UBE2L3: variants seen among roughly 807,000 people sequenced by gnomAD.
The protein encoded by UBE2L3 is ubiquitin conjugating enzyme E2 L3.
A neutral mutation model predicts 17.8 loss-of-function variants in UBE2L3; 1 was observed. That is an observed-to-expected ratio of 0.06 (90% CI 0.02 to 0.27). The LOEUF (loss-of-function observed/expected upper bound fraction) is 0.27, where lower values mean the gene tolerates loss of function less well. Ranked by LOEUF, UBE2L3 falls within the 10% of genes least tolerant of loss-of-function variation. UBE2L3 has a pLI of 1.00. For missense variants in UBE2L3, 40 were observed against 192.6 expected, an observed-to-expected ratio of 0.21 and a Z score of 4.69; for synonymous variants, 44 against 68.5, an observed-to-expected ratio of 0.64 and a Z score of 1.76.
upstream of UBE2L3, among the ~76,000 whole-genome samples, chr22:21,566,585 C>CAAA (rs58829886): frequency 7.4e-6 from 1 of 134,848 alleles, no homozygotes; most frequent in African/African-American, 2.8e-5. Flanking sequence ...GACTCTGTCT[C>CAAA]AAAAAAAAAA....
intron 2 of UBE2L3, among the ~76,000 whole-genome samples, chr22:21,596,631 C>T (rs1252026008): frequency 1.3e-5 from 2 of 152,056 alleles, no homozygotes; most frequent in Non-Finnish European, 2.9e-5. Flanking sequence ...CTCCATCTCC[C>T]GGGTTCAAGC....
intron 1 of UBE2L3, among the ~76,000 whole-genome samples, chr22:21,576,399 G>A (rs111647072): frequency 0.013 from 1,929 of 151,400 alleles, 44 homozygotes; most frequent in African/African-American, 0.045. Flanking sequence ...CCAGGTTCAC[G>A]CCATTCTTCT....
At chr22:21,611,442 G>GTTC (rs1929471701) in intron 3 of UBE2L3, among the ~76,000 whole-genome samples, 1 of 152,208 alleles carries the variant, frequency 6.6e-6, no homozygotes, top group African/African-American at 2.4e-5. Flanking sequence ...CAGACTTGAA[G>GTTC]GAGGAAAGGA....
upstream of UBE2L3, among the ~76,000 whole-genome samples, chr22:21,566,650 A>G (rs988585046): frequency 3.3e-5 from 5 of 151,232 alleles, no homozygotes; most frequent in African/African-American, 1.2e-4. Context: ...CTCTCACAGC[A>G]CATGGAATAG....
upstream of UBE2L3, among the ~76,000 whole-genome samples, chr22:21,566,352 G>A (rs939460983): frequency 6.6e-6 from 1 of 152,016 alleles, no homozygotes; most frequent in Non-Finnish European, 1.5e-5. Flanking sequence ...GGGAGGTTGC[G>A]GCGGGAGGAC....
At chr22:21,590,579 T>G (rs1285185576) in intron 1 of UBE2L3, among the ~76,000 whole-genome samples, 1 of 152,270 alleles carries the variant, frequency 6.6e-6, no homozygotes, top group African/African-American at 2.4e-5. Flanking sequence ...ATTTGTTTTG[T>G]CCCATAAATG....
At chr22:21,576,369 C>G (rs1319342644) in intron 1 of UBE2L3, among the ~76,000 whole-genome samples, 3 of 150,976 alleles carry the variant, frequency 2.0e-5, no homozygotes, top group African/African-American at 7.3e-5. Flanking sequence ...GCGATCTCGG[C>G]TCACTGCAAG....
At chr22:21,550,846 CGCTCCGCCTCCA>C in intron 1 of UBE2L3, 1 of 51,076 alleles carries the variant, frequency 2.0e-5, no homozygotes, top group Non-Finnish European at 3.0e-5. Context: ...CCAGCCTGCC[CGCTCCGCCTCCA>C]GCTCCGCCCG....
Position 21,583,359 on chromosome 22 carries a change from C to T in UBE2L3, c.28-9502C>T, listed in dbSNP as rs571118027. Among the ~76,000 whole-genome samples the T allele has an allele frequency of 3.3e-5, 5 of 152,296 alleles. No individual in the cohort carries two copies. The East Asian group carries it at 7.7e-4, about 24-fold the overall frequency. On this transcript the variant is annotated intron_variant, in intron 1 of 3. Coordinates refer to ENST00000342192, the MANE Select transcript of UBE2L3 (RefSeq NM_003347.4). ...AGTTCTTTTAACCCACCCTCAACAG[C>T]CAAGAAAAGTGGCCTTAAGCTTTAC... is the stretch of plus-strand genomic sequence containing the variant.
chr22:21,613,604 G>A (rs1929615297), intron 3 of UBE2L3, among the ~76,000 whole-genome samples: 1 of 152,160 alleles, frequency 6.6e-6, no homozygotes. Context: ...TCCCATGTTT[G>A]TTATCTATTA....
chr22:21,613,767 A>C (rs1929627887), intron 3 of UBE2L3, among the ~76,000 whole-genome samples: 1 of 152,186 alleles, frequency 6.6e-6, no homozygotes, highest in South Asian at 2.1e-4. Flanking sequence ...GTGGGAACTC[A>C]ACTTGGCTGG....
chr22:21,621,489 C>T (rs1930035535), intron 3 of UBE2L3, 26 bp from the exon 4 acceptor site: 1 of 1,591,936 alleles, frequency 6.3e-7, no homozygotes, highest in South Asian at 1.1e-5. Context: ...GTGTTAACCC[C>T]CCATGCCTTG....
At chr22:21,581,875 G>C in intron 1 of UBE2L3, among the ~76,000 whole-genome samples, 1 of 151,864 alleles carries the variant, frequency 6.6e-6, no homozygotes, top group Non-Finnish European at 1.5e-5. Context: ...ACTTTGGGAG[G>C]CTGAGGCAGG....
intron 1 of UBE2L3, among the ~76,000 whole-genome samples, chr22:21,586,627 G>T (rs1161277395): frequency 6.6e-6 from 1 of 150,938 alleles, no homozygotes; most frequent in East Asian, 1.9e-4. Flanking sequence ...AAGTGCAGTG[G>T]TGTGATTGCA....
intron 1 of UBE2L3, among the ~76,000 whole-genome samples, chr22:21,577,055 G>A (rs969715304): frequency 1.3e-5 from 2 of 150,562 alleles, no homozygotes; most frequent in African/African-American, 2.4e-5. Flanking sequence ...TGAAAGCTCC[G>A]CCTCCTGGGT....
intron 2 of UBE2L3, among the ~76,000 whole-genome samples, chr22:21,609,683 A>G (rs977444420): frequency 6.6e-6 from 1 of 151,832 alleles, no homozygotes; most frequent in Admixed American, 6.6e-5. Flanking sequence ...CCAGTGGGCA[A>G]CAGAGCAAGA....
chr22:21,592,390 G>A (rs1928313148), intron 1 of UBE2L3, among the ~76,000 whole-genome samples: 1 of 152,120 alleles, frequency 6.6e-6, no homozygotes, highest in Non-Finnish European at 1.5e-5. Flanking sequence ...TTTGTGTCTG[G>A]TTTGTTCCCA....
intron 1 of UBE2L3, among the ~76,000 whole-genome samples, chr22:21,562,490 A>C (rs539614309): frequency 4.0e-5 from 6 of 149,428 alleles, no homozygotes; most frequent in African/African-American, 1.5e-4. Context: ...TCCTGCCTCA[A>C]CCTCCCGAGT....
chr22:21,555,929 C>T (rs1411266988), intron 1 of UBE2L3, among the ~76,000 whole-genome samples: 1 of 152,220 alleles, frequency 6.6e-6, no homozygotes, highest in Non-Finnish European at 1.5e-5. Flanking sequence ...GAGACTCCAT[C>T]TCAAAGAGAA....
Sources: allele counts gnomAD v4.1 joint callset (sites outside exome capture counted in the v4.1 genomes callset), GRCh38; gene constraint gnomAD v4.1.1; transcripts MANE v1.5; gene names NCBI Gene and HGNC (gene_info 2026-07-23, HGNC 2026-07-21).